SLC35A3: variants seen among roughly 807,000 people sequenced by gnomAD.
The protein encoded by SLC35A3 is solute carrier family 35 member A3, also known as UDP-N-acetylglucosamine transporter.
SLC35A3 carries 26 observed loss-of-function variants against 39.0 expected under a neutral mutation model. That is an observed-to-expected ratio of 0.67 (90% CI 0.49 to 0.92). The LOEUF (loss-of-function observed/expected upper bound fraction) is 0.92, where lower values mean the gene tolerates loss of function less well. SLC35A3 is among the 40% of genes least tolerant of loss of function. The pLI is 0.00. For synonymous variants in SLC35A3, 135 were observed against 133.1 expected (o/e 1.01, Z -0.10); for missense variants, 299 against 371.6 (o/e 0.80, Z 1.61).
In SLC35A3 at chr1:100,022,575, C is replaced by A; in HGVS notation, c.*99C>A. On this transcript the variant is annotated 3_prime_UTR_variant, in exon 8 of 8. Transcript: ENST00000533028. ...TCTACAGAGTCTGAGAAGATATCAT[C>A]ATGCTGAATCTGATCATACTGTTTT... 3.5e-6 allele frequency: 2 copies of A among 571,220 alleles called. No homozygotes were observed. Among genetic ancestry groups the A allele is most frequent in the South Asian group, 2.9e-5 (1 of 35,072 alleles). The allele number at this position is 571,220 out of a possible 1,614,324, so 35.4% of individuals were successfully genotyped here. A position where few individuals can be genotyped will look rare whatever the true frequency, so the allele number is the denominator to read the frequency against.
intron 2 of SLC35A3, among the ~76,000 whole-genome samples, chr1:99,995,172 A>G (rs1190623956): frequency 1.2e-5 from 1 of 85,542 alleles, no homozygotes; most frequent in Non-Finnish European, 2.2e-5. Flanking sequence ...TTTTTTTTCG[A>G]GACTGAGTCT....
In SLC35A3 at chr1:100,016,459, C is replaced by T. The variant is rs550002507; in HGVS notation, c.753+1039C>T. Reference sequence around the variant, plus strand: ...CGAGATCTTGGCTCACTGCAAGCTCCGCCTCCTGGGTTCACGCCATTCTCC... The same window carrying T: ...CGAGATCTTGGCTCACTGCAAGCTCTGCCTCCTGGGTTCACGCCATTCTCC... On this transcript the variant is annotated intron_variant, in intron 6 of 7. Transcript: ENST00000533028. Among the ~76,000 whole-genome samples the T allele has an allele frequency of 2.5e-3, 382 of 150,664 alleles. 1 individual carries two copies. The highest frequency in any genetic ancestry group is 4.5e-3 in the Non-Finnish European group (304 of 67,790).
At position 100,022,569 on chromosome 1, in the gene SLC35A3, T is replaced by C. The variant is rs1236717702; in HGVS notation, c.*93T>C. The C allele has an allele frequency of 1.6e-6, 1 of 624,110 alleles. No individual in the cohort carries two copies. Among genetic ancestry groups the C allele is most frequent in the African/African-American group, 1.9e-5 (1 of 53,414 alleles). 38.7% of individuals were successfully genotyped at this position (624,110 alleles called of 1,614,324 possible). On this transcript the variant is annotated 3_prime_UTR_variant, in exon 8 of 8. Coordinates refer to ENST00000533028, the MANE Select transcript of SLC35A3 (RefSeq NM_012243.3). ...AGGACTTCTACAGAGTCTGAGAAGA[T>C]ATCATCATGCTGAATCTGATCATAC...
intron 4 of SLC35A3, chr1:100,007,948 C>A (rs1659358519): frequency 6.8e-6 from 1 of 147,456 alleles, no homozygotes; most frequent in Non-Finnish European, 1.5e-5. Flanking sequence ...TCATAAATAA[C>A]TTTTTAATTT....
Position 100,032,598 on chromosome 1 carries a change from T to C in SLC35A3, c.*10122T>C, listed in dbSNP as rs1486150798. 1 of 152,222 alleles carries C rather than the reference T, an allele frequency of 6.6e-6. No homozygotes were observed. The highest frequency in any genetic ancestry group is 1.5e-5 in the Non-Finnish European group (1 of 68,128). 9.4% of individuals were successfully genotyped at this position (152,222 alleles called of 1,614,324 possible). Reference sequence around the variant, plus strand: ...TTTCACTCTGTCACCCAAGCTGGAGTGCAGTGGCACGATCTCGGCTCACTG... The same window carrying C: ...TTTCACTCTGTCACCCAAGCTGGAGCGCAGTGGCACGATCTCGGCTCACTG... On this transcript the variant is annotated 3_prime_UTR_variant, in exon 8 of 8. Coordinates refer to ENST00000533028, the MANE Select transcript of SLC35A3 (RefSeq NM_012243.3).
At position 100,024,211 on chromosome 1, in the gene SLC35A3, G is replaced by T. The variant is rs934058853; in HGVS notation, c.*1735G>T. 6.6e-6 allele frequency: 1 copy of T among 152,032 alleles called. No homozygotes were observed. The highest frequency in any genetic ancestry group is 1.5e-5 in the Non-Finnish European group (1 of 68,006). 9.4% of individuals were successfully genotyped at this position (152,032 alleles called of 1,614,324 possible). ...AATGCTTTCTATAATTTGAATATGG[G>T]TTTAATTTAATTATTAACTATAGAC... is the stretch of plus-strand genomic sequence containing the variant. On this transcript the variant is annotated 3_prime_UTR_variant, in exon 8 of 8. Transcript: ENST00000533028.
chr1:99,993,041 A>G (rs1278457707), intron 1 of SLC35A3: 2 of 153,042 alleles, frequency 1.3e-5, no homozygotes, highest in Non-Finnish European at 2.9e-5. Flanking sequence ...CACAGTAACC[A>G]GTTGAAAAGA....
At chr1:99,993,481 A>G (rs1658208580) in intron 1 of SLC35A3, 56 bp from the exon 2 acceptor site, 2 of 1,439,680 alleles carry the variant, frequency 1.4e-6, no homozygotes, top group African/African-American at 2.9e-5. Context: ...TTTTAAATAT[A>G]CTAGTTTTCA....
rs1660946559 is a variant in SLC35A3, at chr1:100,026,972, T to C, written c.*4496T>C. The C allele has an allele frequency of 5.2e-6, 2 of 387,876 alleles. No homozygotes were observed. Among genetic ancestry groups the C allele is most frequent in the South Asian group, 2.9e-4 (2 of 6,936 alleles). 24.0% of individuals were successfully genotyped at this position (387,876 alleles called of 1,614,324 possible). On this transcript the variant is annotated 3_prime_UTR_variant, in exon 8 of 8. Coordinates refer to ENST00000533028, the MANE Select transcript of SLC35A3 (RefSeq NM_012243.3). ...AATAGATTATTTTCATAAAGAACTC[T>C]ATACAAATCTTTTTCTATATTTCCT... is the stretch of plus-strand genomic sequence containing the variant.
At chr1:100,014,624 A>G (rs1298399056) in intron 5 of SLC35A3, among the ~76,000 whole-genome samples, 2 of 152,236 alleles carry the variant, frequency 1.3e-5, no homozygotes, top group Non-Finnish European at 2.9e-5. Flanking sequence ...AGCAAGAGGA[A>G]GATGGAAGAA....
At chr1:100,005,247 G>A (rs1263526814) in intron 3 of SLC35A3, among the ~76,000 whole-genome samples, 1 of 152,004 alleles carries the variant, frequency 6.6e-6, no homozygotes, top group Non-Finnish European at 1.5e-5. Context: ...CTGTTTTTAG[G>A]GTTCTCTCTT....
rs1426382923 is a variant in SLC35A3, at chr1:100,030,080, T to C, written c.*7604T>C. The C allele has an allele frequency of 6.6e-6, 1 of 152,208 alleles. No individual in the cohort carries two copies. The highest frequency in any genetic ancestry group is 1.5e-5 in the Non-Finnish European group (1 of 68,028). The allele number at this position is 152,208 out of a possible 1,614,324, so 9.4% of individuals were successfully genotyped here. A position where few individuals can be genotyped will look rare whatever the true frequency, so the allele number is the denominator to read the frequency against. On this transcript the variant is annotated 3_prime_UTR_variant, in exon 8 of 8. Transcript: ENST00000533028. ...CTAAAACCTGATACCAGTTGTTATT[T>C]TGGCTCACAGTAGGGCTTCACTAGT... is the stretch of plus-strand genomic sequence containing the variant.
rs963172243 is a variant in SLC35A3, at chr1:100,022,952, C to T, written c.*476C>T. The stretch of plus-strand genomic sequence containing the variant: ...AAAATAGAAGTATAATTTGAAAAAA[C>T]ATTTCACTTATCAGAGATTTTTATA... On this transcript the variant is annotated 3_prime_UTR_variant, in exon 8 of 8. Transcript: ENST00000533028. 2.0e-5 allele frequency: 3 copies of T among 152,452 alleles called. No homozygotes were observed. Among genetic ancestry groups the T allele is most frequent in the Admixed American group, 2.0e-4 (3 of 15,258 alleles). The allele number at this position is 152,452 out of a possible 1,614,324, so 9.4% of individuals were successfully genotyped here.
At chr1:99,994,699 C>G (rs1658280556) in intron 2 of SLC35A3, among the ~76,000 whole-genome samples, 1 of 152,112 alleles carries the variant, frequency 6.6e-6, no homozygotes. Flanking sequence ...TTGATGGACA[C>G]TTGGGTTGTT....
In SLC35A3 at chr1:100,024,856, C is replaced by G. The variant is rs1349772544; in HGVS notation, c.*2380C>G. 2.6e-6 allele frequency: 1 copy of G among 382,978 alleles called. No homozygotes were observed. The highest frequency in any genetic ancestry group is 4.5e-5 in the Admixed American group (1 of 22,252). 23.7% of individuals were successfully genotyped at this position (382,978 alleles called of 1,614,324 possible). Reference sequence around the variant, plus strand: ...AAAAAATAAGTATTTTTATATAGCTCTCATGGATTTTATTAAACAGAATTG... The same window carrying G: ...AAAAAATAAGTATTTTTATATAGCTGTCATGGATTTTATTAAACAGAATTG... On this transcript the variant is annotated 3_prime_UTR_variant, in exon 8 of 8. Transcript: ENST00000533028.
chr1:99,989,620 T>C (rs1454480613), intron 1 of SLC35A3, among the ~76,000 whole-genome samples: 2 of 152,132 alleles, frequency 1.3e-5, no homozygotes, highest in Non-Finnish European at 2.9e-5. Flanking sequence ...AATTGGATTG[T>C]CGGTCTTTGA....
intron 5 of SLC35A3, 124 bp downstream of exon 5, chr1:100,011,657 A>G (rs1199643611): frequency 3.2e-6 from 1 of 309,044 alleles, no homozygotes; most frequent in African/African-American, 2.2e-5. Context: ...AATATCTGGC[A>G]ATGCTCTTGT....
At chr1:100,019,961 T>C (rs1660425228) in intron 7 of SLC35A3, among the ~76,000 whole-genome samples, 1 of 152,172 alleles carries the variant, frequency 6.6e-6, no homozygotes, top group African/African-American at 2.4e-5. Context: ...AAAGTTTGTG[T>C]CTACTATGTG....
At chr1:99,977,947 C>T (rs1030016234) in intron 1 of SLC35A3, among the ~76,000 whole-genome samples, 1 of 152,154 alleles carries the variant, frequency 6.6e-6, no homozygotes, top group African/African-American at 2.4e-5. Context: ...TTATATTTTA[C>T]TTTCTGCATA....
Sources: gnomAD v4.1 joint callset for allele counts (sites outside exome capture counted in the v4.1 genomes callset) on GRCh38, gnomAD v4.1.1 for gene constraint, MANE v1.5 for transcripts, NCBI Gene and HGNC (gene_info 2026-07-23, HGNC 2026-07-21) for gene names.